AP3B2: variants seen among roughly 807,000 people sequenced by gnomAD.
The protein encoded by AP3B2 is adaptor related protein complex 3 subunit beta 2.
In AP3B2, 50 loss-of-function variants were observed where a neutral mutation model predicts 126.9. The observed-to-expected ratio is 0.39, with a 90% CI of 0.31 to 0.50. The LOEUF is 0.50. Among genes scored for constraint, AP3B2 ranks in the 20% least tolerant of loss-of-function variants. The probability of loss-of-function intolerance (pLI) is 0.79; values close to 1 mark genes in which losing one functional copy is unlikely to be tolerated. For missense variants in AP3B2, 1,177 were observed against 1,426.4 expected, an observed-to-expected ratio of 0.83 and a Z score of 2.82; for synonymous variants, 541 against 565.0, an observed-to-expected ratio of 0.96 and a Z score of 0.60.
intron 1 of AP3B2, among the ~76,000 whole-genome samples, chr15:82,690,639 C>CTTTTTTT (rs2048511675): frequency 9.7e-6 from 1 of 103,456 alleles, no homozygotes; most frequent in African/African-American, 3.9e-5. Flanking sequence ...ACATTTTCTT[C>CTTTTTTT]TTCTTTTTTT....
chr15:82,692,240 C>A, intron 1 of AP3B2: 4 of 1,010,924 alleles, frequency 4.0e-6, no homozygotes, highest in Non-Finnish European at 5.9e-6. Context: ...CAAGGCAGTG[C>A]CCATTCTTAA....
Position 82,680,879 on chromosome 15 carries a change from G to A in AP3B2, c.729C>T (p.Leu243=), listed in dbSNP as rs959711720. The A allele has an allele frequency of 1.2e-6, 2 of 1,613,934 alleles. No homozygotes were observed. The highest frequency in any genetic ancestry group is 1.7e-6 in the Non-Finnish European group (2 of 1,179,856). ...EWGQVVIISM[L]TRYARTQFLS... ...GGAACTGCGTGCGGGCGTAGCGGGT[G>A]AGCATGCTGATGATGACCACCTGGC... The change falls in exon 7 of 27, where the codon CTC becomes CTT. Residue 243 remains leucine (L), a synonymous_variant. Coordinates refer to ENST00000535359, the MANE Select transcript of AP3B2 (RefSeq NM_001278512.2). This position sits in a 1 kb window ranked among gnomAD's most constrained non-coding sequence, Gnocchi z 6.1.
chr15:82,680,058 G>A lies in AP3B2; in HGVS notation c.1110+117C>T. The stretch of plus-strand genomic sequence containing the variant: ...CCTCCCCTGCCCCATCCTCTGCACA[G>A]CCAGGGTATTCCTCCATCTTCCCTT... On this transcript the variant is annotated intron_variant, in intron 9 of 26. Coordinates refer to ENST00000535359, the MANE Select transcript of AP3B2 (RefSeq NM_001278512.2). This position sits in a 1 kb window ranked among gnomAD's most constrained non-coding sequence, Gnocchi z 6.1. 1 of 1,421,356 alleles carries A rather than the reference G, an allele frequency of 7.0e-7. No individual in the cohort carries two copies. Among genetic ancestry groups the A allele is most frequent in the South Asian group, 1.3e-5 (1 of 79,502 alleles). The allele number at this position is 1,421,356 out of a possible 1,614,324, so 88.0% of individuals were successfully genotyped here.
At position 82,683,778 on chromosome 15, in the gene AP3B2, G is replaced by A. The variant is rs2048383141; in HGVS notation, c.361-2198C>T. Among the ~76,000 whole-genome samples the A allele has an allele frequency of 3.3e-5, 5 of 152,128 alleles. No individual in the cohort carries two copies. In the South Asian group the frequency reaches 1.0e-3, roughly 31 times the overall value. On this transcript the variant is annotated intron_variant, in intron 4 of 26. Coordinates refer to ENST00000535359, the MANE Select transcript of AP3B2 (RefSeq NM_001278512.2). ...ACGAGATGTATTTCTTAAATAATAAGACTTAAAAGTCAAAATTACTCATTG... is the reference window on the plus strand; with the variant it reads ...ACGAGATGTATTTCTTAAATAATAAAACTTAAAAGTCAAAATTACTCATTG...
chr15:82,709,431 G>C (rs1205050100), intron 1 of AP3B2, among the ~76,000 whole-genome samples, 163 bp downstream of exon 1: 1 of 150,696 alleles, frequency 6.6e-6, no homozygotes, highest in Non-Finnish European at 1.5e-5. Flanking sequence ...CGCTGCCCGC[G>C]CTGGGCCGGG....
At chr15:82,670,523 C>G (rs1233318489) in intron 14 of AP3B2, among the ~76,000 whole-genome samples, 1 of 152,104 alleles carries the variant, frequency 6.6e-6, no homozygotes, top group Non-Finnish European at 1.5e-5. Context: ...AAAACCAGAC[C>G]CCTATCTCTC....
chr15:82,663,103 G>A (rs369859364), intron 22 of AP3B2, 24 bp downstream of exon 22: 229 of 1,584,954 alleles, frequency 1.4e-4, no homozygotes, highest in Middle Eastern at 2.2e-4. Context: ...GCCCCAGCCC[G>A]GTCCCCTCCT....
chr15:82,663,812 T>A lies in AP3B2; in HGVS notation c.2425A>T (p.Ser809Cys), dbSNP rs2048001475. Residue 809 changes from serine (S) to cysteine (C), a missense_variant, in exon 20 of 27, where the codon AGC becomes TGC. Physicochemically the swap from Ser to Cys is moderately radical, Grantham distance 112. Coordinates refer to ENST00000535359, the MANE Select transcript of AP3B2 (RefSeq NM_001278512.2). ...CCCAAGGCTCTCACTGTTTTCCTGC[T>A]CCAGGAGGCAGGTTCTAACTGCTCC... ...EEEQLEPASW[S>C]RKTPPSSKSA... 2 of 1,612,994 alleles carry A rather than the reference T, an allele frequency of 1.2e-6. No homozygotes were observed. The highest frequency in any genetic ancestry group is 4.5e-5 in the East Asian group (2 of 44,852).
In AP3B2 at chr15:82,659,490, A is replaced by G; in HGVS notation, c.*70T>C. Reference sequence around the variant, plus strand: ...ATGATGAGAGAGAGAGAGAAAGATGAGAGAGACTGACAGCCTAGGTGTCAT... The same window carrying G: ...ATGATGAGAGAGAGAGAGAAAGATGGGAGAGACTGACAGCCTAGGTGTCAT... On this transcript the variant is annotated 3_prime_UTR_variant, in exon 27 of 27. Transcript: ENST00000535359. The G allele has an allele frequency of 6.4e-7, 1 of 1,567,126 alleles. No homozygotes were observed.
In AP3B2 at chr15:82,659,940, C is replaced by T. The variant is rs1376614375; in HGVS notation, c.3060G>A (p.Leu1020=). 2 of 1,613,946 alleles carry T rather than the reference C, an allele frequency of 1.2e-6. No individual in the cohort carries two copies. The highest frequency in any genetic ancestry group is 1.7e-6 in the Non-Finnish European group (2 of 1,179,876). Residue 1020 remains leucine (L), a synonymous_variant, in exon 26 of 27, where the codon CTG becomes CTA. Transcript: ENST00000535359. ...TGTGGTCACTCCGACAGGTGTCTGG[C>T]AGCATGAGTTTCTCTGTGATCTCAT... The part of the protein sequence containing the change: ...GMNEITEKLM[L]PDTCRSDHIV...
At chr15:82,684,770 G>C (rs1250054266) in intron 4 of AP3B2, among the ~76,000 whole-genome samples, 1 of 152,176 alleles carries the variant, frequency 6.6e-6, no homozygotes, top group Non-Finnish European at 1.5e-5. Flanking sequence ...GGGATTACAG[G>C]TGTGAGCCAC....
At chr15:82,663,089 C>A (rs756396156) in intron 22 of AP3B2, 38 bp downstream of exon 22, 2 of 1,558,142 alleles carry the variant, frequency 1.3e-6, no homozygotes, top group South Asian at 1.2e-5. Flanking sequence ...AGGGATGTGT[C>A]CCTGCCCCAG....
chr15:82,708,556 C>G (rs2048832654), intron 1 of AP3B2, among the ~76,000 whole-genome samples: 1 of 152,146 alleles, frequency 6.6e-6, no homozygotes. Flanking sequence ...TCAAGACCCA[C>G]CTCCCTTGTC....
In AP3B2 at chr15:82,663,531, C is replaced by T. The variant is rs761139219; in HGVS notation, c.2497+29G>A. 2.5e-5 allele frequency: 41 copies of T among 1,610,524 alleles called. 1 individual carries two copies. The Admixed American group carries it at 5.5e-4, about 22-fold the overall frequency. ...AATTCATGCTCCCCAGGCCTCCTTTCCCCTGTGACTTTTACCACCCAAACT... is the reference window on the plus strand; with the variant it reads ...AATTCATGCTCCCCAGGCCTCCTTTTCCCTGTGACTTTTACCACCCAAACT... On this transcript the variant is annotated intron_variant, in intron 21 of 26. Coordinates refer to ENST00000535359, the MANE Select transcript of AP3B2 (RefSeq NM_001278512.2).
At chr15:82,669,474 G>A (rs1349089318) in intron 14 of AP3B2, among the ~76,000 whole-genome samples, 3 of 149,622 alleles carry the variant, frequency 2.0e-5, no homozygotes, top group Admixed American at 1.3e-4. Context: ...CAGGCAGATC[G>A]TGAGATCAAG....
intron 1 of AP3B2, among the ~76,000 whole-genome samples, chr15:82,698,774 ACATGCGCC>A (rs1361794937): frequency 2.0e-5 from 3 of 151,780 alleles, no homozygotes; most frequent in African/African-American, 7.3e-5. Context: ...CACAAATGCC[ACATGCGCC>A]TGTCAAATGC....
chr15:82,683,056 T>C (rs955111751), intron 4 of AP3B2, among the ~76,000 whole-genome samples: 2 of 80,282 alleles, frequency 2.5e-5, no homozygotes, highest in African/African-American at 1.6e-4. Context: ...AGTTTTTTTT[T>C]TTTTTTTTTT....
intron 4 of AP3B2, chr15:82,685,092 T>A (rs982290296): frequency 6.6e-6 from 1 of 152,212 alleles, no homozygotes; most frequent in African/African-American, 2.4e-5. Context: ...CACACAACAT[T>A]TATTGATTAA....
chr15:82,661,903 A>G lies in AP3B2; in HGVS notation c.2938T>C (p.Tyr980His). 6.2e-7 allele frequency: 1 copy of G among 1,613,944 alleles called. No homozygotes were observed. The highest frequency in any genetic ancestry group is 2.2e-5 in the East Asian group (1 of 44,884). The change falls in exon 25 of 27, where the codon TAC becomes CAC. Residue 980 changes from tyrosine to histidine, a missense_variant. Physicochemically the swap from Tyr to His is moderately conservative, Grantham distance 83 (BLOSUM62 2). Coordinates refer to ENST00000535359, the MANE Select transcript of AP3B2 (RefSeq NM_001278512.2). ...CCAACAGGTGGCTGAATGGAGACGT[A>G]GAACTGTCGGGTCTGGGTGCTGGGA... Reference protein sequence around the residue: ...FQLCTQTRQFYVSIQPPVGEL... With the variant: ...FQLCTQTRQFHVSIQPPVGEL...
Sources: gnomAD v4.1 joint callset for allele counts (sites outside exome capture counted in the v4.1 genomes callset) on GRCh38, gnomAD v4.1.1 for gene constraint, Gnocchi (gnomAD v3.1) non-coding constraint, MANE v1.5 for transcripts, NCBI Gene and HGNC (gene_info 2026-07-23, HGNC 2026-07-21) for gene names.